The following SLC9A8 variants were observed in gnomAD, a reference collection of about 807,000 sequenced individuals.
The protein encoded by SLC9A8 is solute carrier family 9 member A8.
In SLC9A8, 48 loss-of-function variants were observed where a neutral mutation model predicts 66.6. That is an observed-to-expected ratio of 0.72 (90% CI 0.57 to 0.92). The LOEUF is 0.92. Ranked by LOEUF, SLC9A8 falls within the 40% of genes least tolerant of loss-of-function variation. SLC9A8 has a pLI of 0.00. For synonymous variants in SLC9A8, 274 were observed against 282.6 expected (o/e 0.97, Z 0.31); for missense variants, 599 against 747.3 (o/e 0.80, Z 2.31).
intron 11 of SLC9A8, among the ~76,000 whole-genome samples, 198 bp from the exon 12 acceptor site, chr20:49,877,783 A>G (rs921556609): frequency 1.3e-5 from 2 of 152,244 alleles, no homozygotes; most frequent in African/African-American, 4.8e-5. Flanking sequence ...AATACCAGGG[A>G]CATGTAGCTT....
intron 3 of SLC9A8, among the ~76,000 whole-genome samples, chr20:49,836,364 A>G (rs560688881): frequency 2.5e-4 from 38 of 151,944 alleles, no homozygotes; most frequent in African/African-American, 8.9e-4. Flanking sequence ...AATGGAGTCT[A>G]ACTTTGTCAC....
intron 3 of SLC9A8, among the ~76,000 whole-genome samples, chr20:49,836,767 A>G (rs2087552725): frequency 6.6e-6 from 1 of 152,210 alleles, no homozygotes; most frequent in African/African-American, 2.4e-5. Context: ...ACTGTTTTCC[A>G]TGGTGGTTGC....
Position 49,887,876 on chromosome 20 carries a change from G to C in SLC9A8, c.1686G>C (p.Trp562Cys), listed in dbSNP as rs1376801809. Residue 562 changes from tryptophan (W) to cysteine (C), a missense_variant, in exon 16 of 16, where the codon TGG becomes TGC. Coordinates refer to ENST00000361573, the MANE Select transcript of SLC9A8 (RefSeq NM_015266.3). Reference sequence around the variant, plus strand: ...AGATGAAAACTCTCACCAACAAGTGGTACGAGGAGGTACGCCAGGGCCCCT... The same window carrying C: ...AGATGAAAACTCTCACCAACAAGTGCTACGAGGAGGTACGCCAGGGCCCCT... Reference protein sequence around the residue: ...RIQMKTLTNKWYEEVRQGPSG... With the variant: ...RIQMKTLTNKCYEEVRQGPSG... 6.2e-7 allele frequency: 1 copy of C among 1,613,440 alleles called. No homozygotes were observed. The highest frequency in any genetic ancestry group is 1.7e-5 in the Admixed American group (1 of 59,908).
intron 14 of SLC9A8, among the ~76,000 whole-genome samples, chr20:49,884,336 A>ACACCCCCC: frequency 9.2e-6 from 1 of 108,478 alleles, no homozygotes; most frequent in South Asian, 3.1e-4. Flanking sequence ...ACACACACAC[A>ACACCCCCC]CCCCCCGGTC....
Position 49,886,565 on chromosome 20 carries a change from C to T in SLC9A8, c.1492-187C>T. 1 of 618,548 alleles carries T rather than the reference C, an allele frequency of 1.6e-6. No homozygotes were observed. Among genetic ancestry groups the T allele is most frequent in the Admixed American group, 3.0e-5 (1 of 32,926 alleles). The allele number at this position is 618,548 out of a possible 1,614,324, so 38.3% of individuals were successfully genotyped here. On this transcript the variant is annotated intron_variant, in intron 14 of 15. Coordinates refer to ENST00000361573, the MANE Select transcript of SLC9A8 (RefSeq NM_015266.3). This position sits in a 1 kb window ranked among gnomAD's most constrained non-coding sequence, Gnocchi z 4.8. Reference sequence around the variant, plus strand: ...GGTGGGGTCCTGGGCATCCATTGTGCCCTGATGGACGTTCCTGCCTCCCTG... The same window carrying T: ...GGTGGGGTCCTGGGCATCCATTGTGTCCTGATGGACGTTCCTGCCTCCCTG...
chr20:49,831,571 A>T (rs562960864), intron 3 of SLC9A8, among the ~76,000 whole-genome samples: 1 of 152,048 alleles, frequency 6.6e-6, no homozygotes, highest in Non-Finnish European at 1.5e-5. Context: ...AAGCCTTCCC[A>T]CAGCTTCCCC....
intron 9 of SLC9A8, among the ~76,000 whole-genome samples, chr20:49,864,353 G>T (rs2088876595): frequency 6.6e-6 from 1 of 152,220 alleles, no homozygotes; most frequent in Non-Finnish European, 1.5e-5. Flanking sequence ...AGGAGTGGGG[G>T]TGATGCCGGC....
chr20:49,871,189 C>G (rs1438683001), intron 10 of SLC9A8, among the ~76,000 whole-genome samples: 1 of 152,164 alleles, frequency 6.6e-6, no homozygotes, highest in Non-Finnish European at 1.5e-5. Flanking sequence ...ATTAACACAG[C>G]GTACTCATTA....
intron 14 of SLC9A8, among the ~76,000 whole-genome samples, chr20:49,885,841 C>G (rs2089870037): frequency 6.6e-6 from 1 of 152,220 alleles, no homozygotes. Context: ...GTCCTCTTTA[C>G]TACCACGCTG....
chr20:49,857,590 C>T (rs1400662637), intron 8 of SLC9A8, among the ~76,000 whole-genome samples: 17 of 152,120 alleles, frequency 1.1e-4, no homozygotes, highest in South Asian at 2.1e-4. Flanking sequence ...TGGTGGCGCA[C>T]GCCTGTAATC....
chr20:49,824,942 A>G (rs573413202), intron 3 of SLC9A8, among the ~76,000 whole-genome samples: 27 of 152,234 alleles, frequency 1.8e-4, no homozygotes, highest in Admixed American at 3.3e-4. Flanking sequence ...GGTCCTGGAA[A>G]ATGTTTTCCT....
intron 11 of SLC9A8, among the ~76,000 whole-genome samples, 168 bp from the exon 12 acceptor site, chr20:49,877,813 G>C (rs2089479524): frequency 6.6e-6 from 1 of 152,212 alleles, no homozygotes; most frequent in Non-Finnish European, 1.5e-5. Flanking sequence ...AAAAGAATGA[G>C]AGAATTTAAG....
chr20:49,833,740 C>T (rs2087310577), intron 3 of SLC9A8, among the ~76,000 whole-genome samples: 1 of 152,114 alleles, frequency 6.6e-6, no homozygotes, highest in Non-Finnish European at 1.5e-5. Context: ...CTACAGTGTT[C>T]TTTTGAGGAT....
rs781393024 is a variant in SLC9A8, at chr20:49,874,675, T to G, written c.959-30T>G. 3 of 1,357,980 alleles carry G rather than the reference T, an allele frequency of 2.2e-6. No homozygotes were observed. In the South Asian group the frequency reaches 3.5e-5, roughly 16 times the overall value. 84.1% of individuals were successfully genotyped at this position (1,357,980 alleles called of 1,614,324 possible). A position where few individuals can be genotyped will look rare whatever the true frequency, so the allele number is the denominator to read the frequency against. On this transcript the variant is annotated intron_variant, in intron 10 of 15. Transcript: ENST00000361573. Reference sequence around the variant, plus strand: ...ATCTGAGTTGGGGATCACACGGCAGTGCTTTCTGTTCTGTTCTCTCCCTCT... The same window carrying G: ...ATCTGAGTTGGGGATCACACGGCAGGGCTTTCTGTTCTGTTCTCTCCCTCT...
intron 3 of SLC9A8, chr20:49,829,639 A>G: frequency 2.2e-6 from 1 of 450,182 alleles, no homozygotes; most frequent in Non-Finnish European, 4.4e-6. Context: ...CATAAAGAGG[A>G]AATGATAAAG....
At chr20:49,852,066 T>A (rs979355309) in intron 7 of SLC9A8, among the ~76,000 whole-genome samples, 1 of 152,194 alleles carries the variant, frequency 6.6e-6, no homozygotes, top group African/African-American at 2.4e-5. Flanking sequence ...GAAGTTTCCT[T>A]TGCTGTTAGA....
chr20:49,822,648 G>A (rs2146465692), intron 2 of SLC9A8, among the ~76,000 whole-genome samples: 1 of 152,280 alleles, frequency 6.6e-6, no homozygotes. Flanking sequence ...TTAGTTGGGT[G>A]TGGTGTCATG....
intron 8 of SLC9A8, among the ~76,000 whole-genome samples, chr20:49,858,301 C>G (rs1420812634): frequency 1.3e-5 from 2 of 151,392 alleles, no homozygotes; most frequent in Non-Finnish European, 2.9e-5. Flanking sequence ...TGCCACAAGA[C>G]CTTTAAAAAA....
chr20:49,827,437 T>C (rs1207999171), intron 3 of SLC9A8, among the ~76,000 whole-genome samples: 1 of 151,162 alleles, frequency 6.6e-6, no homozygotes, highest in Non-Finnish European at 1.5e-5. Flanking sequence ...ACCCCATCTC[T>C]ACTAAAAATA....
Sources: allele counts gnomAD v4.1 joint callset (sites outside exome capture counted in the v4.1 genomes callset), GRCh38; gene constraint gnomAD v4.1.1; non-coding constraint Gnocchi (gnomAD v3.1); transcripts MANE v1.5; gene names NCBI Gene and HGNC (gene_info 2026-07-23, HGNC 2026-07-21).